AFG2A: variants seen among roughly 807,000 people sequenced by gnomAD.
AFG2A encodes the protein ATPase family gene 2 protein homolog A.
At chr4:123,176,353 A>G in the AFG2A span, among the ~76,000 whole-genome samples, 1 of 152,226 alleles carries the variant, frequency 6.6e-6, no homozygotes, top group Non-Finnish European at 1.5e-5. Context: ...ATGATAACAT[A>G]AAGGCCATGC....
At chr4:123,223,667 T>A in the AFG2A span, among the ~76,000 whole-genome samples, 5 of 152,124 alleles carry the variant, frequency 3.3e-5, no homozygotes, top group Non-Finnish European at 7.4e-5. Context: ...TTCTCCCCCA[T>A]GGTCCAATCA....
At chr4:123,196,087 G>A in the AFG2A span, among the ~76,000 whole-genome samples, 5 of 148,224 alleles carry the variant, frequency 3.4e-5, no homozygotes, top group East Asian at 2.0e-4. Flanking sequence ...TGCAAGCTCC[G>A]CCTCCCAGGT....
At chr4:122,947,217 C>T in the AFG2A span, 26 of 1,492,174 alleles carry the variant, frequency 1.7e-5, no homozygotes, top group Admixed American at 7.4e-5. Context: ...AATTTATTTT[C>T]ATTTTATTTT....
At chr4:122,970,426 C>T in the AFG2A span, among the ~76,000 whole-genome samples, 4 of 151,688 alleles carry the variant, frequency 2.6e-5, no homozygotes, top group Admixed American at 2.6e-4. Flanking sequence ...AGAATGTATC[C>T]CTGTCATTAA....
At chr4:122,991,710 G>A in the AFG2A span, among the ~76,000 whole-genome samples, 1 of 152,170 alleles carries the variant, frequency 6.6e-6, no homozygotes, top group South Asian at 2.1e-4. Context: ...AGGTTACTTA[G>A]TGTGGTTTTG....
the AFG2A span, chr4:122,947,190 TAA>T: frequency 2.0e-6 from 3 of 1,481,366 alleles, no homozygotes; most frequent in Admixed American, 2.4e-5. Context: ...TTTTTTTTTC[TAA>T]CTTTCAGAAA....
At chr4:123,122,773 G>GTTTTT in the AFG2A span, among the ~76,000 whole-genome samples, 5 of 140,116 alleles carry the variant, frequency 3.6e-5, no homozygotes, top group Non-Finnish European at 3.1e-5. Flanking sequence ...CATGTCATCT[G>GTTTTT]TTTTTTTGTT....
the AFG2A span, among the ~76,000 whole-genome samples, chr4:123,171,080 C>T: frequency 6.6e-6 from 1 of 152,072 alleles, no homozygotes; most frequent in Non-Finnish European, 1.5e-5. Flanking sequence ...GCAGGTGTGC[C>T]CAGCTCTGCC....
chr4:122,934,772 G>T, the AFG2A span: 1 of 1,523,752 alleles, frequency 6.6e-7, no homozygotes, highest in Non-Finnish European at 8.8e-7. Flanking sequence ...ACCCAAAAAT[G>T]TTAAATTCAA....
chr4:123,274,507 G>T, the AFG2A span, among the ~76,000 whole-genome samples: 1 of 151,488 alleles, frequency 6.6e-6, no homozygotes, highest in Non-Finnish European at 1.5e-5. Flanking sequence ...TTTACCTTGG[G>T]TATGAGTTTT....
At chr4:123,074,840 T>C in the AFG2A span, among the ~76,000 whole-genome samples, 1 of 152,380 alleles carries the variant, frequency 6.6e-6, no homozygotes, top group South Asian at 2.1e-4. Context: ...AAAAAATTTC[T>C]TCTTTCATTT....
chr4:123,199,836 T>C, the AFG2A span, among the ~76,000 whole-genome samples: 3 of 152,204 alleles, frequency 2.0e-5, no homozygotes, highest in Admixed American at 6.5e-5. Context: ...ATATACAGAT[T>C]AGTTAATCCC....
the AFG2A span, among the ~76,000 whole-genome samples, chr4:123,139,988 C>T: frequency 2.0e-5 from 3 of 151,952 alleles, no homozygotes; most frequent in Non-Finnish European, 2.9e-5. Flanking sequence ...CAGGAGTAGG[C>T]AAATATCAAC....
At chr4:123,282,134 C>A in the AFG2A span, among the ~76,000 whole-genome samples, 2 of 152,116 alleles carry the variant, frequency 1.3e-5, no homozygotes, top group East Asian at 3.9e-4. Flanking sequence ...CAAGGAGTAT[C>A]TGGGAACTCT....
At chr4:123,006,550 T>C in the AFG2A span, among the ~76,000 whole-genome samples, 1 of 152,148 alleles carries the variant, frequency 6.6e-6, no homozygotes, top group Non-Finnish European at 1.5e-5. Context: ...TTTTACTTTT[T>C]TTGTTTGGTT....
chr4:123,311,602 G>C, the AFG2A span, among the ~76,000 whole-genome samples: 21 of 138,940 alleles, frequency 1.5e-4, no homozygotes, highest in East Asian at 4.4e-3. Context: ...ACTCCAGCCT[G>C]GTGACAGAAC....
the AFG2A span, among the ~76,000 whole-genome samples, chr4:123,295,916 C>CA: frequency 4.2e-4 from 64 of 151,614 alleles, no homozygotes; most frequent in African/African-American, 6.0e-4. Context: ...CAAAACAAAA[C>CA]AAAAAAAAGA....
chr4:123,101,947 GTTA>G, the AFG2A span, among the ~76,000 whole-genome samples: 3 of 151,992 alleles, frequency 2.0e-5, no homozygotes, highest in African/African-American at 4.8e-5. Flanking sequence ...TGCTAGCTGT[GTTA>G]TTAACAGACT....
At chr4:123,217,097 G>A in the AFG2A span, among the ~76,000 whole-genome samples, 1 of 152,070 alleles carries the variant, frequency 6.6e-6, no homozygotes, top group African/African-American at 2.4e-5. Flanking sequence ...AATGTACATA[G>A]CCTTGGTATT....
Sources: gnomAD v4.1 joint callset for allele counts (sites outside exome capture counted in the v4.1 genomes callset) on GRCh38, gnomAD v4.1.1 for gene constraint, MANE v1.5 for transcripts, NCBI Gene and HGNC (gene_info 2026-07-23, HGNC 2026-07-21) for gene names.